Variants in DCHS1 observed in about 807,000 individuals in gnomAD.
DCHS1 encodes the protein protocadherin-16.
In DCHS1, 78 loss-of-function variants were observed where a neutral mutation model predicts 213.9. The observed-to-expected ratio is 0.36, with a 90% CI of 0.30 to 0.44. The LOEUF (loss-of-function observed/expected upper bound fraction) is 0.44. Ranked by LOEUF, DCHS1 falls within the 20% of genes least tolerant of loss-of-function variation. DCHS1 has a pLI of 1.00. For missense variants in DCHS1, 3,946 were observed against 4,395.9 expected (o/e 0.90, Z 2.89); for synonymous variants, 1,828 against 1,873.7 (o/e 0.98, Z 0.63).
At chr11:6,643,204 T>C (rs1248511577) in intron 1 of DCHS1, among the ~76,000 whole-genome samples, 1 of 152,110 alleles carries the variant, frequency 6.6e-6, no homozygotes, top group Non-Finnish European at 1.5e-5. Flanking sequence ...CTCTAGTGAC[T>C]AAGAAGAATC....
At chr11:6,624,601 G>T in intron 20 of DCHS1, 129 bp downstream of exon 20, 1 of 1,414,666 alleles carries the variant, frequency 7.1e-7, no homozygotes, top group Non-Finnish European at 9.6e-7. Context: ...TGAAGACAGA[G>T]GGGAGGAAAT....
chr11:6,629,548 C>A lies in DCHS1; in HGVS notation c.5065G>T (p.Val1689Phe), dbSNP rs1289410605. The change falls in exon 12 of 21, where the codon GTC becomes TTC. Residue 1689 changes from valine to phenylalanine, a missense_variant. By Grantham distance (50) the Val-to-Phe change is conservative. Around this residue, in one of 3 missense-constraint regions of DCHS1, gnomAD observed 3,384 missense variants for 3,780.1 expected, o/e 0.90. Transcript: ENST00000299441. ...GANGQVTYGG[V>F]SSESFSLDPD... ...TCCAGAGAAAAGCTTTCGCTAGAGA[C>A]GCCTCCATAAGTCACTTGCCCGTTG... 6 of 1,613,596 alleles carry A rather than the reference C, an allele frequency of 3.7e-6. No homozygotes were observed. Among genetic ancestry groups the A allele is most frequent in the Non-Finnish European group, 5.1e-6 (6 of 1,179,706 alleles).
rs369991659 is a variant in DCHS1, at chr11:6,640,249, C to A, written c.1365G>T (p.Glu455Asp). 6.2e-6 allele frequency: 10 copies of A among 1,611,202 alleles called. No homozygotes were observed. The highest frequency in any genetic ancestry group is 8.5e-6 in the Non-Finnish European group (10 of 1,178,718). Residue 455 changes from glutamate (E) to aspartate (D), a missense_variant, in exon 2 of 21, where the codon GAG (glutamate) becomes GAT (aspartate). Physicochemically the swap from Glu to Asp is conservative, Grantham distance 45. Transcript: ENST00000299441. This position sits in a 1 kb window ranked among gnomAD's most constrained non-coding sequence, Gnocchi z 6.5. ...TDSGSPPLRA[E>D]AAFVLHVTDV... Reference sequence around the variant, plus strand: ...CAGTGACGTGCAGCACAAAGGCAGCCTCAGCCCGCAGTGGAGGTGAGCCTG... The same window carrying A: ...CAGTGACGTGCAGCACAAAGGCAGCATCAGCCCGCAGTGGAGGTGAGCCTG...
At chr11:6,654,466 G>A (rs1300046553) in intron 1 of DCHS1, among the ~76,000 whole-genome samples, 1 of 152,212 alleles carries the variant, frequency 6.6e-6, no homozygotes, top group East Asian at 1.9e-4. Context: ...AGTGTTAGCA[G>A]TAACAATGTC....
chr11:6,640,116 G>A lies in DCHS1; in HGVS notation c.1498C>T (p.Pro500Ser), dbSNP rs1856044695. The A allele has an allele frequency of 1.2e-6, 2 of 1,613,532 alleles. No homozygotes were observed. The highest frequency in any genetic ancestry group is 1.7e-5 in the Admixed American group (1 of 59,932). Residue 500 changes from proline to serine, a missense_variant, in exon 2 of 21, where the codon CCT becomes TCT. Transcript: ENST00000299441. The surrounding 1 kb of genome is among the most constrained non-coding windows in gnomAD (Gnocchi z 6.5). ...ACCTGACCATTGGTGCCTTGGTCAG[G>A]ATCCCGAGCAGTCACCCGCACTACA... ...SFVVRVTARD[P>S]DQGTNGQVTY...
intron 1 of DCHS1, among the ~76,000 whole-genome samples, chr11:6,651,297 C>T (rs971008567): frequency 1.3e-5 from 2 of 151,870 alleles, no homozygotes; most frequent in Admixed American, 6.6e-5. Context: ...TTCAGGCAGG[C>T]AGAGCAGTAT....
intron 1 of DCHS1, among the ~76,000 whole-genome samples, chr11:6,645,956 C>G (rs1286045583): frequency 6.6e-6 from 1 of 152,126 alleles, no homozygotes; most frequent in Non-Finnish European, 1.5e-5. Flanking sequence ...GAGACCCTTT[C>G]ACATATATAC....
rs556982880 is a variant in DCHS1 at position 6,632,336 on chromosome 11, G to T, written c.3176C>A (p.Ala1059Glu). ...PQSGWLWVRA[A>E]LDREAQELYI... ...CAATTCCTGGGCCTCACGGTCTAGTGCTGCCCGCACCCATAGCCACCCACT... is the reference window on the plus strand; with the variant it reads ...CAATTCCTGGGCCTCACGGTCTAGTTCTGCCCGCACCCATAGCCACCCACT... Residue 1059 changes from alanine to glutamate, a missense_variant, in exon 6 of 21, where the codon GCA becomes GAA. Coordinates refer to ENST00000299441, the MANE Select transcript of DCHS1 (RefSeq NM_003737.4). This position sits in a 1 kb window ranked among gnomAD's most constrained non-coding sequence, Gnocchi z 5.9. 2.0e-3 allele frequency: 3,187 copies of T among 1,613,952 alleles called. 71 individuals carry two copies. In the South Asian group the frequency reaches 0.033, roughly 17 times the overall value.
chr11:6,635,698 A>G (rs1304001573), intron 2 of DCHS1, among the ~76,000 whole-genome samples: 1 of 152,076 alleles, frequency 6.6e-6, no homozygotes, highest in Non-Finnish European at 1.5e-5. Context: ...CAGGAGACAG[A>G]CTTCCCCTAC....
In DCHS1 at chr11:6,625,357, G is replaced by C; in HGVS notation, c.6987C>G (p.Gly2329=). 6.2e-7 allele frequency: 1 copy of C among 1,613,680 alleles called. No individual in the cohort carries two copies. Among genetic ancestry groups the C allele is most frequent in the South Asian group, 1.1e-5 (1 of 91,068 alleles). ...QDPFSVGRYG[G]RVSLTGPLDF... ...CCAGGGGCCCCGTGAGGGAGACACG[G>C]CCTCCATAGCGGCCAACACTGAAGG... The change falls in exon 19 of 21, where the codon GGC becomes GGG. Residue 2329 remains glycine (G), a synonymous_variant. Coordinates refer to ENST00000299441, the MANE Select transcript of DCHS1 (RefSeq NM_003737.4). This position sits in a 1 kb window ranked among gnomAD's most constrained non-coding sequence, Gnocchi z 5.3.
rs779771282 is a variant in DCHS1 at position 6,626,113 on chromosome 11, C to T, written c.6577-39G>A. 1.9e-6 allele frequency: 3 copies of T among 1,599,030 alleles called. No homozygotes were observed. In the South Asian group the frequency reaches 3.4e-5, roughly 18 times the overall value. On this transcript the variant is annotated intron_variant, in intron 16 of 20. Coordinates refer to ENST00000299441, the MANE Select transcript of DCHS1 (RefSeq NM_003737.4). This position sits in a 1 kb window ranked among gnomAD's most constrained non-coding sequence, Gnocchi z 5.2. The stretch of plus-strand genomic sequence containing the variant: ...GAGGCTGCTGGGACTGGTCTGGCCA[C>T]AGACAAGTCTGACTAGCCCTGCTCC...
Position 6,625,921 on chromosome 11 carries a change from G to A in DCHS1, c.6730C>T (p.Arg2244Trp), listed in dbSNP as rs758892533. 5.6e-6 allele frequency: 9 copies of A among 1,612,734 alleles called. No homozygotes were observed. The highest frequency in any genetic ancestry group is 4.0e-5 in the African/African-American group (3 of 74,898). ...TGGGTCCACAGGGCCAGGCCTCACCGTGTTTCAGCCCAGATCTCACGGTCC... is the reference window on the plus strand; with the variant it reads ...TGGGTCCACAGGGCCAGGCCTCACCATGTTTCAGCCCAGATCTCACGGTCC... ...ILDREIWAETRLVLMATDRGS... is the reference protein window; with the variant it reads ...ILDREIWAETWLVLMATDRGS... Residue 2244 changes from arginine to tryptophan, a missense_variant and splice_region_variant, in exon 17 of 21, where the codon CGG (arginine) becomes TGG (tryptophan). By Grantham distance (101) the Arg-to-Trp change is moderately radical. Transcript: ENST00000299441. The surrounding 1 kb of genome is among the most constrained non-coding windows in gnomAD (Gnocchi z 5.3).
rs760356441 is a variant in DCHS1, at chr11:6,622,203, C to T, written c.9473G>A (p.Arg3158His). The change falls in exon 21 of 21, where the codon CGT becomes CAT. Residue 3158 changes from arginine (R) to histidine (H), a missense_variant. Arg to His is a conservative substitution (Grantham distance 29). Transcript: ENST00000299441. The surrounding 1 kb of genome is among the most constrained non-coding windows in gnomAD (Gnocchi z 5.4). ...CAGGTAGTCCCAGTTATAGCTGCCA[C>T]GGAGCTCCTCCTCGCCGGCCACAAT... ...TAIVAGEEEL[R>H]GSYNWDYLLS... is the part of the protein sequence containing the mutation. 61 of 1,603,980 alleles carry T rather than the reference C, an allele frequency of 3.8e-5. No individual in the cohort carries two copies. Among genetic ancestry groups the T allele is most frequent in the Non-Finnish European group, 4.9e-5 (58 of 1,177,056 alleles).
In DCHS1 at chr11:6,628,854, G is replaced by A; in HGVS notation, c.5162-24C>T. 2 of 1,599,680 alleles carry A rather than the reference G, an allele frequency of 1.3e-6. No individual in the cohort carries two copies. On this transcript the variant is annotated intron_variant, in intron 12 of 20. Coordinates refer to ENST00000299441, the MANE Select transcript of DCHS1 (RefSeq NM_003737.4). The surrounding 1 kb of genome is among the most constrained non-coding windows in gnomAD (Gnocchi z 4.3). ...CACTGTGGGGAAGCAAAATCAATGAGGTCTAGTCTGCCCTCACCACATGGA... is the reference window on the plus strand; with the variant it reads ...CACTGTGGGGAAGCAAAATCAATGAAGTCTAGTCTGCCCTCACCACATGGA...
rs1187710149 is a variant in DCHS1 at position 6,625,787 on chromosome 11, G to A, written c.6732-60C>T. On this transcript the variant is annotated intron_variant, in intron 17 of 20. Transcript: ENST00000299441. The surrounding 1 kb of genome is among the most constrained non-coding windows in gnomAD (Gnocchi z 5.3). Reference sequence around the variant, plus strand: ...GCAATAAGGGGGAACTCTGGGCAGGGCCAGGAGGACTCAGGACAGAGCTTA... The same window carrying A: ...GCAATAAGGGGGAACTCTGGGCAGGACCAGGAGGACTCAGGACAGAGCTTA... 1.3e-6 allele frequency: 2 copies of A among 1,587,562 alleles called. No individual in the cohort carries two copies. Among genetic ancestry groups the A allele is most frequent in the Non-Finnish European group, 8.6e-7 (1 of 1,166,124 alleles).
At position 6,640,432 on chromosome 11, in the gene DCHS1, A is replaced by T; in HGVS notation, c.1182T>A (p.Asp394Glu). The change falls in exon 2 of 21, where the codon GAT (aspartate) becomes GAA (glutamate). Residue 394 changes from aspartate (D) to glutamate (E), a missense_variant. Transcript: ENST00000299441. The surrounding 1 kb of genome is among the most constrained non-coding windows in gnomAD (Gnocchi z 6.5). Reference protein sequence around the residue: ...LVARISVSDPDDGDFAHVNVS... With the variant: ...LVARISVSDPEDGDFAHVNVS... The stretch of plus-strand genomic sequence containing the variant: ...CATTGACATGGGCAAAGTCACCATC[A>T]TCTGGGTCTGACACAGAGATGCGAG... 6.2e-7 allele frequency: 1 copy of T among 1,613,924 alleles called. No individual in the cohort carries two copies. The highest frequency in any genetic ancestry group is 8.5e-7 in the Non-Finnish European group (1 of 1,179,890).
At chr11:6,637,635 C>A (rs1173135846) in intron 2 of DCHS1, among the ~76,000 whole-genome samples, 2 of 151,828 alleles carry the variant, frequency 1.3e-5, no homozygotes, top group African/African-American at 2.4e-5. Context: ...TGGAAGCCTT[C>A]CCCCATCTGA....
At chr11:6,643,373 T>G (rs1406338516) in intron 1 of DCHS1, among the ~76,000 whole-genome samples, 1 of 152,230 alleles carries the variant, frequency 6.6e-6, no homozygotes, top group Non-Finnish European at 1.5e-5. Context: ...TCCTTTCTTG[T>G]GACATTGCTT....
chr11:6,629,748 C>G lies in DCHS1; in HGVS notation c.4959G>C (p.Glu1653Asp), dbSNP rs748421076. Residue 1653 changes from glutamate to aspartate, a missense_variant, in exon 11 of 21, where the codon GAG (glutamate) becomes GAC (aspartate). Physicochemically the swap from Glu to Asp is conservative, Grantham distance 45. Around this residue, in one of 3 missense-constraint regions of DCHS1, gnomAD observed 3,384 missense variants for 3,780.1 expected, o/e 0.90. Transcript: ENST00000299441. The part of the protein sequence containing the change: ...NDEAPTFQQQ[E>D]YSVLLRENNP... The stretch of plus-strand genomic sequence containing the variant: ...TGTTCTCACGCAAGAGGACGCTGTA[C>G]TCCTGCTGCTGGAAAGTAGGCGCCT... 1 of 1,613,876 alleles carries G rather than the reference C, an allele frequency of 6.2e-7. No individual in the cohort carries two copies. The highest frequency in any genetic ancestry group is 8.5e-7 in the Non-Finnish European group (1 of 1,179,896).
Sources: gnomAD v4.1 joint callset for allele counts (sites outside exome capture counted in the v4.1 genomes callset) on GRCh38, gnomAD v4.1.1 for gene constraint, gnomAD v4.1.1 regional missense constraint, Gnocchi (gnomAD v3.1) non-coding constraint, MANE v1.5 for transcripts, NCBI Gene and HGNC (gene_info 2026-07-23, HGNC 2026-07-21) for gene names.